COL4A2: variants seen among roughly 807,000 people sequenced by gnomAD.
The protein encoded by COL4A2 is collagen type IV alpha 2 chain.
COL4A2 carries 99 observed loss-of-function variants against 200.2 expected under a neutral mutation model. That is an observed-to-expected ratio of 0.49 (90% CI 0.42 to 0.58). The LOEUF is 0.58. Ranked by LOEUF, COL4A2 falls within the 20% of genes least tolerant of loss-of-function variation. The pLI, the probability that COL4A2 is intolerant of heterozygous loss-of-function variation, is 0.00. For synonymous variants in COL4A2, 897 were observed against 900.6 expected (o/e 1.00, Z 0.07); for missense variants, 1,950 against 2,314.1 (o/e 0.84, Z 3.23).
chr13:110,327,368 C>A (rs1310451925), intron 3 of COL4A2, among the ~76,000 whole-genome samples: 1 of 152,248 alleles, frequency 6.6e-6, no homozygotes, highest in African/African-American at 2.4e-5. Context: ...GTATTTCAGA[C>A]AAACTTCTCC....
Position 110,308,113 on chromosome 13 carries a change from GC to G in COL4A2, c.90del (p.Ser30ArgfsTer6). On this transcript the variant is annotated frameshift_variant, in exon 3 of 48. Transcript: ENST00000360467. LOFTEE classifies it high-confidence loss of function. Reference sequence around the variant, plus strand: ...GTGACCGTGGGGTTCCTCGCCCAGAGCGTCTTGGCGGTAAGTCCTGGCTCCC... The same window carrying G: ...GTGACCGTGGGGTTCCTCGCCCAGAGGTCTTGGCGGTAAGTCCTGGCTCCC... ...GTVTVGFLAQ[S>X]VLAGVKKFDV... 6.2e-7 allele frequency: 1 copy of G among 1,613,788 alleles called. No individual in the cohort carries two copies. The highest frequency in any genetic ancestry group is 1.3e-5 in the African/African-American group (1 of 75,066).
intron 6 of COL4A2, among the ~76,000 whole-genome samples, chr13:110,426,295 T>G (rs1448170435): frequency 2.0e-5 from 3 of 152,190 alleles, no homozygotes; most frequent in Non-Finnish European, 4.4e-5. Context: ...CAAGTTTCCT[T>G]CATGTTTCCA....
intron 22 of COL4A2, 151 bp from the exon 23 acceptor site, chr13:110,461,963 C>A: frequency 4.4e-6 from 5 of 1,132,564 alleles, no homozygotes; most frequent in Non-Finnish European, 6.3e-6. Flanking sequence ...GGGGCGTATC[C>A]AGCATCGCAG....
At chr13:110,432,617 A>C (rs1880722929) in intron 11 of COL4A2, among the ~76,000 whole-genome samples, 1 of 152,234 alleles carries the variant, frequency 6.6e-6, no homozygotes. Flanking sequence ...TGGTATATGA[A>C]AACCACACTG....
chr13:110,435,808 T>C (rs1026093648), intron 12 of COL4A2, among the ~76,000 whole-genome samples: 5 of 152,144 alleles, frequency 3.3e-5, no homozygotes, highest in African/African-American at 1.2e-4. Context: ...TGGGATATTA[T>C]AGTTACTTAA....
At chr13:110,501,201 A>G (rs1270610795) in intron 40 of COL4A2, among the ~76,000 whole-genome samples, 2 of 152,244 alleles carry the variant, frequency 1.3e-5, no homozygotes, top group African/African-American at 2.4e-5. Context: ...CTGGGATCCG[A>G]GGCACTGGAG....
chr13:110,408,128 G>A (rs11619427), intron 4 of COL4A2, among the ~76,000 whole-genome samples: 90,889 of 151,926 alleles, frequency 0.6, 27,569 homozygotes, highest in Admixed American at 0.65. Flanking sequence ...AGCAGAACAG[G>A]AATCAGGAAG....
rs958697479 is a variant in COL4A2 at position 110,423,825 on chromosome 13, G to A, written c.181-909G>A. On this transcript the variant is annotated intron_variant, in intron 4 of 47. Coordinates refer to ENST00000360467, the MANE Select transcript of COL4A2 (RefSeq NM_001846.4). The stretch of plus-strand genomic sequence containing the variant: ...AAGGGGCCTCTATACAGGAGTTGTC[G>A]TTTTGTGACTGGCTCATTTCACTCA... Among the ~76,000 whole-genome samples, 4 of 152,136 alleles carry A rather than the reference G, an allele frequency of 2.6e-5. No homozygotes were observed. In the East Asian group the frequency reaches 5.8e-4, roughly 22 times the overall value.
intron 4 of COL4A2, among the ~76,000 whole-genome samples, chr13:110,406,146 A>G (rs1048680389): frequency 6.6e-6 from 1 of 152,258 alleles, no homozygotes; most frequent in Non-Finnish European, 1.5e-5. Flanking sequence ...ATTCTATGAC[A>G]GCATTCACCA....
chr13:110,421,849 G>A (rs1472116621), intron 4 of COL4A2, among the ~76,000 whole-genome samples: 1 of 152,182 alleles, frequency 6.6e-6, no homozygotes, highest in Non-Finnish European at 1.5e-5. Flanking sequence ...GACAGTGAAA[G>A]GAAAATGAGT....
In COL4A2 at chr13:110,473,139, C is replaced by G; in HGVS notation, c.2414C>G (p.Pro805Arg). The change falls in exon 29 of 48, where the codon CCT becomes CGT. Residue 805 changes from proline to arginine, a missense_variant. Physicochemically the swap from Pro to Arg is moderately radical, Grantham distance 103 (BLOSUM62 -2). Coordinates refer to ENST00000360467, the MANE Select transcript of COL4A2 (RefSeq NM_001846.4). ...LKGLPGDRGPPGFRGSQGMPG... is the reference protein window; with the variant it reads ...LKGLPGDRGPRGFRGSQGMPG... ...GGCCTTCCCGGAGACAGAGGCCCCC[C>G]TGGATTCAGAGGTGAGTGCCCCATC... is the stretch of plus-strand genomic sequence containing the variant. 6.4e-7 allele frequency: 1 copy of G among 1,556,284 alleles called. No individual in the cohort carries two copies. Among genetic ancestry groups the G allele is most frequent in the Non-Finnish European group, 8.7e-7 (1 of 1,150,162 alleles).
intron 4 of COL4A2, among the ~76,000 whole-genome samples, chr13:110,414,868 A>G (rs1273008442): frequency 6.6e-6 from 1 of 152,210 alleles, no homozygotes; most frequent in Non-Finnish European, 1.5e-5. Context: ...AATAAAATGA[A>G]TCCATACTCT....
At position 110,493,245 on chromosome 13, in the gene COL4A2, C is replaced by G; in HGVS notation, c.3597C>G (p.His1199Gln). ...FPGLRGIRGL[H>Q]GLPGTKGFPG... ...GACTCCGTGGGATCCGCGGCTTACA[C>G]GGCTTGCCAGGCACCAAGGGCTTTC... The change falls in exon 39 of 48, where the codon CAC becomes CAG. Residue 1199 changes from histidine to glutamine, a missense_variant. This residue lies in a region of COL4A2 where 1,385 missense variants were observed against 1,720.5 expected (regional missense o/e 0.80). Coordinates refer to ENST00000360467, the MANE Select transcript of COL4A2 (RefSeq NM_001846.4). The G allele has an allele frequency of 1.2e-6, 2 of 1,614,184 alleles. No homozygotes were observed. The highest frequency in any genetic ancestry group is 2.2e-5 in the South Asian group (2 of 91,090).
At chr13:110,405,293 C>T (rs1397650961) in intron 4 of COL4A2, among the ~76,000 whole-genome samples, 2 of 152,194 alleles carry the variant, frequency 1.3e-5, no homozygotes, top group South Asian at 4.2e-4. Context: ...AATGGACTAA[C>T]ACAAAAAAGA....
At chr13:110,382,003 T>A (rs1237739330) in intron 4 of COL4A2, among the ~76,000 whole-genome samples, 2 of 152,212 alleles carry the variant, frequency 1.3e-5, no homozygotes, top group Non-Finnish European at 1.5e-5. Flanking sequence ...CTACAGTATT[T>A]GTTATCACTG....
intron 4 of COL4A2, among the ~76,000 whole-genome samples, chr13:110,407,083 C>T (rs1879601108): frequency 6.6e-6 from 1 of 152,164 alleles, no homozygotes; most frequent in African/African-American, 2.4e-5. Context: ...TGCTGGGAAT[C>T]TCTGTGATAT....
Position 110,512,461 on chromosome 13 carries a change from C to A in COL4A2, c.*270C>A. On this transcript the variant is annotated 3_prime_UTR_variant, in exon 48 of 48. Coordinates refer to ENST00000360467, the MANE Select transcript of COL4A2 (RefSeq NM_001846.4). ...CTAGACGCACCGCCTGAAGGCACAG[C>A]TAACCACTTCGCACACACCCATGTA... 2 of 542,170 alleles carry A rather than the reference C, an allele frequency of 3.7e-6. No homozygotes were observed. Among genetic ancestry groups the A allele is most frequent in the African/African-American group, 1.9e-5 (1 of 52,870 alleles). 33.6% of individuals were successfully genotyped at this position (542,170 alleles called of 1,614,324 possible). A position where few individuals can be genotyped will look rare whatever the true frequency, so the allele number is the denominator to read the frequency against.
chr13:110,490,604 T>C (rs1883255792), intron 36 of COL4A2, among the ~76,000 whole-genome samples: 1 of 152,218 alleles, frequency 6.6e-6, no homozygotes, highest in African/African-American at 2.4e-5. Context: ...TTGTTATCTG[T>C]GACCTGGGCT....
At chr13:110,382,031 A>G (rs571084504) in intron 4 of COL4A2, among the ~76,000 whole-genome samples, 4 of 152,298 alleles carry the variant, frequency 2.6e-5, no homozygotes, top group African/African-American at 7.2e-5. Flanking sequence ...CACGGTTGCC[A>G]TATATATATC....
Sources: gnomAD v4.1 joint callset for allele counts (sites outside exome capture counted in the v4.1 genomes callset) on GRCh38, gnomAD v4.1.1 for gene constraint, gnomAD v4.1.1 regional missense constraint, MANE v1.5 for transcripts, NCBI Gene and HGNC (gene_info 2026-07-23, HGNC 2026-07-21) for gene names.